STK32A: variants seen among roughly 807,000 people sequenced by gnomAD.
STK32A encodes the protein serine/threonine-protein kinase 32A.
In STK32A, 41 loss-of-function variants were observed where a neutral mutation model predicts 53.2. That is an observed-to-expected ratio of 0.77 (90% confidence interval 0.60 to 1.00). The LOEUF is 1.00. Among genes scored for constraint, STK32A ranks in the 50% least tolerant of loss-of-function variants. The pLI is 0.00. For synonymous variants in STK32A, 166 were observed against 162.8 expected (o/e 1.02, Z -0.15); for missense variants, 458 against 485.8 (o/e 0.94, Z 0.54).
chr5:147,351,728 T>A (rs1389609313), intron 7 of STK32A, among the ~76,000 whole-genome samples: 1 of 152,166 alleles, frequency 6.6e-6, no homozygotes, highest in South Asian at 2.1e-4. Context: ...GCGCCTGTAG[T>A]CCCAGCTACT....
chr5:147,352,862 G>A (rs566924096), intron 7 of STK32A, among the ~76,000 whole-genome samples: 95 of 152,226 alleles, frequency 6.2e-4, no homozygotes, highest in African/African-American at 2.3e-3. Flanking sequence ...AGGTGGATTA[G>A]CTACAGGCTG....
chr5:147,396,987 TTATAA>T, the STK32A span, among the ~76,000 whole-genome samples: 5 of 147,866 alleles, frequency 3.4e-5, no homozygotes, highest in East Asian at 9.8e-4. Context: ...TATTGTATTG[TTATAA>T]TACAATACAC....
In STK32A at chr5:147,350,240, CA is replaced by C. The variant is rs1292881426; in HGVS notation, c.473-819del. Reference sequence around the variant, plus strand: ...GATGAGGCCAACCTGAATTATCAGACAAAAAATATGTACAAAAATATTTTAG... The same window carrying C: ...GATGAGGCCAACCTGAATTATCAGACAAAAATATGTACAAAAATATTTTAG... On this transcript the variant is annotated intron_variant, in intron 6 of 12. Coordinates refer to ENST00000397936, the MANE Select transcript of STK32A (RefSeq NM_001112724.2). Among the ~76,000 whole-genome samples the C allele has an allele frequency of 2.9e-5, 4 of 136,314 alleles. No homozygotes were observed. The East Asian group carries it at 6.6e-4, about 23-fold the overall frequency. The allele number at this position is 136,314 out of a possible 152,430, so 89.4% of individuals were successfully genotyped here.
rs182509507 is a variant in STK32A, at chr5:147,287,738, C to A, written c.260+8340C>A. On this transcript the variant is annotated intron_variant, in intron 4 of 12. Transcript: ENST00000397936. Reference sequence around the variant, plus strand: ...CTCTTTCTTCCCTACCCTTAGCAATCATCAAATTGCCTTTCTTCCCCTCTC... The same window carrying A: ...CTCTTTCTTCCCTACCCTTAGCAATAATCAAATTGCCTTTCTTCCCCTCTC... Among the ~76,000 whole-genome samples, 4 of 152,270 alleles carry A rather than the reference C, an allele frequency of 2.6e-5. No homozygotes were observed. The East Asian group carries it at 7.7e-4, about 29-fold the overall frequency.
At chr5:147,252,299 A>C (rs548853506) in intron 2 of STK32A, among the ~76,000 whole-genome samples, 97 of 152,220 alleles carry the variant, frequency 6.4e-4, no homozygotes, top group African/African-American at 2.2e-3. Context: ...TGCCACTTTG[A>C]TAACTTCTTC....
At chr5:147,278,371 T>G (rs17546805) in intron 3 of STK32A, among the ~76,000 whole-genome samples, 192 bp downstream of exon 3, 1 of 152,226 alleles carries the variant, frequency 6.6e-6, no homozygotes, top group East Asian at 1.9e-4. Flanking sequence ...AGCTACATAA[T>G]GAACATATAC....
intron 2 of STK32A, among the ~76,000 whole-genome samples, chr5:147,274,910 A>G (rs1316949725): frequency 1.3e-5 from 2 of 152,200 alleles, no homozygotes; most frequent in Non-Finnish European, 2.9e-5. Context: ...ACTTTTCTGT[A>G]AAGAGCCATC....
chr5:147,359,511 T>G (rs1756398824), intron 7 of STK32A, among the ~76,000 whole-genome samples: 1 of 152,208 alleles, frequency 6.6e-6, no homozygotes, highest in South Asian at 2.1e-4. Flanking sequence ...ATAACTTGTA[T>G]AGAGTAATGT....
chr5:147,360,753 C>T (rs2151997951), intron 7 of STK32A, among the ~76,000 whole-genome samples: 1 of 152,336 alleles, frequency 6.6e-6, no homozygotes, highest in South Asian at 2.1e-4. Flanking sequence ...CATGCAGAAG[C>T]ATTCCCTGCC....
At chr5:147,308,396 G>T (rs188925075) in intron 4 of STK32A, among the ~76,000 whole-genome samples, 142 of 152,134 alleles carry the variant, frequency 9.3e-4, no homozygotes, top group African/African-American at 3.0e-3. Context: ...TTGACTTTGT[G>T]TTCAGTGACC....
At chr5:147,279,657 C>T (rs1177315091) in intron 4 of STK32A, among the ~76,000 whole-genome samples, 1 of 152,148 alleles carries the variant, frequency 6.6e-6, no homozygotes, top group African/African-American at 2.4e-5. Flanking sequence ...AGGCTGCTGC[C>T]ATAATGGGTT....
At chr5:147,263,475 T>C (rs1005266871) in intron 2 of STK32A, among the ~76,000 whole-genome samples, 1 of 152,010 alleles carries the variant, frequency 6.6e-6, no homozygotes, top group East Asian at 1.9e-4. Flanking sequence ...GGGAAAAAGT[T>C]AGCAAAAAGT....
At chr5:147,348,293 C>T (rs143757812) in intron 6 of STK32A, among the ~76,000 whole-genome samples, 12 of 152,300 alleles carry the variant, frequency 7.9e-5, no homozygotes, top group Admixed American at 6.5e-4. Flanking sequence ...TTTCAACTGA[C>T]GTGTAATGAG....
rs1245252389 is a variant in STK32A at position 147,375,071 on chromosome 5, C to A, written c.904-19C>A. 2 of 1,587,664 alleles carry A rather than the reference C, an allele frequency of 1.3e-6. No homozygotes were observed. The highest frequency in any genetic ancestry group is 2.2e-5 in the East Asian group (1 of 44,658). ...ATGATACAGTAATCTGAGGATTGAG[C>A]CAACTGTCTTCCTTGCAGAAAGGCA... On this transcript the variant is annotated intron_variant, in intron 10 of 12. Coordinates refer to ENST00000397936, the MANE Select transcript of STK32A (RefSeq NM_001112724.2).
intron 2 of STK32A, among the ~76,000 whole-genome samples, chr5:147,254,935 G>C (rs62380974): frequency 0.34 from 51,828 of 151,868 alleles, 9,709 homozygotes; most frequent in African/African-American, 0.5. Flanking sequence ...GTCAGGAGAT[G>C]CAGACCATCC....
At chr5:147,268,452 TA>T (rs199524964) in intron 2 of STK32A, among the ~76,000 whole-genome samples, 6 of 151,382 alleles carry the variant, frequency 4.0e-5, no homozygotes, top group African/African-American at 1.5e-4. Flanking sequence ...TCTATTTTGG[TA>T]AAAAAAAAGT....
At chr5:147,320,082 A>G (rs143674263) in intron 4 of STK32A, among the ~76,000 whole-genome samples, 120 of 151,978 alleles carry the variant, frequency 7.9e-4, no homozygotes, top group African/African-American at 2.7e-3. Flanking sequence ...CATTTATCCT[A>G]TGTTATTCAA....
At chr5:147,364,305 A>G (rs1182996354) in intron 8 of STK32A, among the ~76,000 whole-genome samples, 5 of 152,004 alleles carry the variant, frequency 3.3e-5, no homozygotes, top group African/African-American at 1.2e-4. Context: ...AGTAGAACAC[A>G]GTTCAGACAA....
At chr5:147,260,898 C>G (rs1754534094) in intron 2 of STK32A, among the ~76,000 whole-genome samples, 1 of 152,354 alleles carries the variant, frequency 6.6e-6, no homozygotes, top group Non-Finnish European at 1.5e-5. Flanking sequence ...CATGCACACA[C>G]ACACATTTAA....
Sources: allele counts gnomAD v4.1 joint callset (sites outside exome capture counted in the v4.1 genomes callset), GRCh38; gene constraint gnomAD v4.1.1; transcripts MANE v1.5; gene names NCBI Gene and HGNC (gene_info 2026-07-23, HGNC 2026-07-21).